TIMM17A: variants seen among roughly 807,000 people sequenced by gnomAD.
TIMM17A encodes translocase of inner mitochondrial membrane 17A, also known as mitochondrial import inner membrane translocase subunit Tim17-A.
Under a neutral mutation model 26.5 loss-of-function variants are expected in TIMM17A, and 15 were observed. That is an observed-to-expected ratio of 0.57 (90% CI 0.38 to 0.87). The LOEUF (loss-of-function observed/expected upper bound fraction) is 0.87. Among genes scored for constraint, TIMM17A ranks in the 40% least tolerant of loss-of-function variants. The pLI is 0.00. For missense variants in TIMM17A, 201 were observed against 210.0 expected (o/e 0.96, Z 0.27); for synonymous variants, 80 against 70.8 (o/e 1.13, Z -0.66).
intron 3 of TIMM17A, among the ~76,000 whole-genome samples, chr1:201,961,990 G>A (rs1052117287): frequency 2.0e-5 from 3 of 151,894 alleles, no homozygotes; most frequent in African/African-American, 7.3e-5. Flanking sequence ...GTGTATAGAC[G>A]TTCGCCTCAT....
chr1:201,964,082 CAAA>C (rs753746295), intron 4 of TIMM17A, among the ~76,000 whole-genome samples: 3 of 151,582 alleles, frequency 2.0e-5, no homozygotes, highest in South Asian at 2.1e-4. Flanking sequence ...GACCCTGCTT[CAAA>C]AAAAATAATA....
intron 3 of TIMM17A, chr1:201,962,387 C>T (rs897769735): frequency 2.6e-5 from 4 of 152,274 alleles, no homozygotes; most frequent in Non-Finnish European, 4.4e-5. Context: ...CGCTCTGTCG[C>T]CCAGGCTGGA....
At chr1:201,966,611 G>A (rs553702654) in intron 5 of TIMM17A, among the ~76,000 whole-genome samples, 10 of 152,144 alleles carry the variant, frequency 6.6e-5, no homozygotes, top group Non-Finnish European at 1.5e-4. Context: ...GGGAGACTGA[G>A]GCAGGTGGAT....
intron 1 of TIMM17A, 95 bp from the exon 2 acceptor site, chr1:201,957,186 A>C: frequency 2.5e-6 from 2 of 790,914 alleles, no homozygotes; most frequent in South Asian, 3.3e-5. Flanking sequence ...GCCCTGCAGT[A>C]TAATCTGTTC....
At chr1:201,960,718 G>A (rs1168010483) in intron 3 of TIMM17A, among the ~76,000 whole-genome samples, 1 of 151,976 alleles carries the variant, frequency 6.6e-6, no homozygotes, top group Non-Finnish European at 1.5e-5. Flanking sequence ...GGGACAGGCA[G>A]TATGGGAAAA....
chr1:201,962,865 C>T (rs768897875), intron 3 of TIMM17A: 1 of 152,092 alleles, frequency 6.6e-6, no homozygotes, highest in Non-Finnish European at 1.5e-5. Flanking sequence ...GTTTTCCCAT[C>T]GGTGATTTTC....
chr1:201,956,010 G>A (rs1330065190), intron 1 of TIMM17A, among the ~76,000 whole-genome samples: 1 of 152,190 alleles, frequency 6.6e-6, no homozygotes, highest in African/African-American at 2.4e-5. Flanking sequence ...ATCATGATAT[G>A]TGTCCACAGA....
chr1:201,966,991 T>TTGTGTGTGTGTGTG (rs759557626), intron 5 of TIMM17A, among the ~76,000 whole-genome samples: 5,285 of 132,982 alleles, frequency 0.04, 130 homozygotes, highest in East Asian at 0.077. Flanking sequence ...ATTATATATG[T>TTGTGTGTGTGTGTG]TGTGTGTGTG....
At position 201,957,507 on chromosome 1, in the gene TIMM17A, A is replaced by T. The variant is rs745706800; in HGVS notation, c.127-4A>T. The stretch of plus-strand genomic sequence containing the variant: ...TTTTTGTTGCTTCCTTTTTTTTGTT[A>T]TAGGGAGTAAACCACAGACTACGAG... On this transcript the variant is annotated splice_region_variant and splice_polypyrimidine_tract_variant and intron_variant, in intron 2 of 5. Transcript: ENST00000367287. The T allele has an allele frequency of 6.2e-7, 1 of 1,612,854 alleles. No homozygotes were observed. Among genetic ancestry groups the T allele is most frequent in the African/African-American group, 1.3e-5 (1 of 74,784 alleles).
At chr1:201,958,587 G>A (rs895822740) in intron 3 of TIMM17A, among the ~76,000 whole-genome samples, 1 of 152,188 alleles carries the variant, frequency 6.6e-6, no homozygotes, top group Non-Finnish European at 1.5e-5. Context: ...TGTGGTCCCA[G>A]CTACTAGGGA....
At chr1:201,956,825 A>T (rs1682420224) in intron 1 of TIMM17A, among the ~76,000 whole-genome samples, 1 of 151,998 alleles carries the variant, frequency 6.6e-6, no homozygotes, top group Admixed American at 6.6e-5. Context: ...GCGTGGTGGC[A>T]CGCGCCTGTA....
At chr1:201,968,868 C>T (rs1429589243) in intron 5 of TIMM17A, among the ~76,000 whole-genome samples, 1 of 149,172 alleles carries the variant, frequency 6.7e-6, no homozygotes, top group Non-Finnish European at 1.5e-5. Context: ...AAGATTGATT[C>T]ATCCCCTAAA....
chr1:201,955,548 C>T lies in TIMM17A; in HGVS notation c.22C>T (p.Pro8Ser). Residue 8 changes from proline to serine, a missense_variant, in exon 1 of 6, where the codon CCT (proline) becomes TCT (serine). Physicochemically the swap from Pro to Ser is moderately conservative, Grantham distance 74. Transcript: ENST00000367287. MEEYAREPCPWRIVDDCG... is the reference protein window; with the variant it reads MEEYARESCPWRIVDDCG... ...CAAGATGGAGGAGTACGCGCGAGAG[C>T]CTTGGTGAGCTTCACCGCTGTCTTT... 6.2e-7 allele frequency: 1 copy of T among 1,614,256 alleles called. No individual in the cohort carries two copies. Among genetic ancestry groups the T allele is most frequent in the Non-Finnish European group, 8.5e-7 (1 of 1,180,044 alleles).
chr1:201,957,791 C>A, intron 3 of TIMM17A: 2 of 445,044 alleles, frequency 4.5e-6, no homozygotes, highest in Middle Eastern at 6.0e-4. Context: ...GTCCTTCAGA[C>A]ACTCGGTGAT....
At chr1:201,965,113 A>C (rs1176113786) in intron 4 of TIMM17A, among the ~76,000 whole-genome samples, 1 of 151,402 alleles carries the variant, frequency 6.6e-6, no homozygotes, top group Non-Finnish European at 1.5e-5. Context: ...CACCACGTCA[A>C]GCTAATTTTT....
chr1:201,961,970 G>A (rs1483205790), intron 3 of TIMM17A, among the ~76,000 whole-genome samples: 2 of 151,844 alleles, frequency 1.3e-5, no homozygotes, highest in East Asian at 1.9e-4. Flanking sequence ...CCTTGTTCTC[G>A]GGTGTCCAGG....
At chr1:201,968,300 G>A (rs1682673946) in intron 5 of TIMM17A, among the ~76,000 whole-genome samples, 1 of 151,766 alleles carries the variant, frequency 6.6e-6, no homozygotes, top group Non-Finnish European at 1.5e-5. Context: ...CAGCAAAAAA[G>A]TTTTTAAAAC....
At chr1:201,960,453 T>C (rs1268907385) in intron 3 of TIMM17A, among the ~76,000 whole-genome samples, 3 of 152,060 alleles carry the variant, frequency 2.0e-5, no homozygotes, top group Admixed American at 2.0e-4. Flanking sequence ...TGACAGATGC[T>C]CCATGCTAAT....
intron 4 of TIMM17A, 63 bp from the exon 5 acceptor site, chr1:201,965,370 A>G (rs965237460): frequency 1.7e-6 from 2 of 1,164,908 alleles, no homozygotes; most frequent in Non-Finnish European, 2.6e-6. Context: ...TCTCTTCTTT[A>G]CTATCTCTTA....
Sources: allele counts gnomAD v4.1 joint callset (sites outside exome capture counted in the v4.1 genomes callset), GRCh38; gene constraint gnomAD v4.1.1; transcripts MANE v1.5; gene names NCBI Gene and HGNC (gene_info 2026-07-23, HGNC 2026-07-21).